Variants in CHL1 observed in about 807,000 individuals in gnomAD.
CHL1 encodes neural cell adhesion molecule L1-like protein.
CHL1 carries 96 observed loss-of-function variants against 141.9 expected under a neutral mutation model. That is an observed-to-expected ratio of 0.68 (90% CI 0.57 to 0.80). CHL1 has a LOEUF of 0.80. Ranked by LOEUF, CHL1 falls within the 30% of genes least tolerant of loss-of-function variation. The pLI is 0.00. For missense variants in CHL1, 1,820 were observed against 1,457.2 expected, an observed-to-expected ratio of 1.25 and a Z score of -4.05; for synonymous variants, 613 against 502.2, an observed-to-expected ratio of 1.22 and a Z score of -2.95.
intron 4 of CHL1, among the ~76,000 whole-genome samples, chr3:327,674 A>G (rs1014266499): frequency 6.6e-6 from 1 of 151,948 alleles, no homozygotes; most frequent in Non-Finnish European, 1.5e-5. Flanking sequence ...CTTTAGTATC[A>G]TTATAATAAT....
chr3:399,004 C>T lies in CHL1; in HGVS notation c.3254-13C>T, dbSNP rs989407116. The T allele has an allele frequency of 7.4e-6, 12 of 1,611,814 alleles. No individual in the cohort carries two copies. The highest frequency in any genetic ancestry group is 1.3e-5 in the African/African-American group (1 of 74,884). ...TCTAGTTTACAATGCTGTGACTTCT[C>T]TTTCTACCACAGAATATGCTGGTTT... On this transcript the variant is annotated splice_polypyrimidine_tract_variant and intron_variant, in intron 25 of 27. Coordinates refer to ENST00000256509, the MANE Select transcript of CHL1 (RefSeq NM_006614.4).
In CHL1 at chr3:354,867, T is replaced by C. The variant is rs1012416692; in HGVS notation, c.1165+96T>C. The C allele has an allele frequency of 2.0e-6, 3 of 1,489,846 alleles. No individual in the cohort carries two copies. In the African/African-American group the frequency reaches 4.2e-5, roughly 21 times the overall value. The allele number at this position is 1,489,846 out of a possible 1,614,324, so 92.3% of individuals were successfully genotyped here. On this transcript the variant is annotated intron_variant, in intron 11 of 27. Transcript: ENST00000256509. The stretch of plus-strand genomic sequence containing the variant: ...TGTGTAAAATGAAGTTGGTATGTGG[T>C]TGGATTAGCAGGACAGATACAACCA...
chr3:231,461 A>T (rs1280373394), intron 1 of CHL1, among the ~76,000 whole-genome samples: 1 of 152,160 alleles, frequency 6.6e-6, no homozygotes, highest in Non-Finnish European at 1.5e-5. Context: ...AAAGTTTGCA[A>T]AGTAAGACTG....
At chr3:366,541 T>C (rs1704916255) in intron 15 of CHL1, among the ~76,000 whole-genome samples, 1 of 152,104 alleles carries the variant, frequency 6.6e-6, no homozygotes, top group Non-Finnish European at 1.5e-5. Context: ...ATTTCTGTCT[T>C]CAAGTCACTT....
intron 1 of CHL1, among the ~76,000 whole-genome samples, chr3:223,839 AATC>A (rs1701084191): frequency 6.6e-6 from 1 of 152,098 alleles, no homozygotes; most frequent in South Asian, 2.1e-4. Context: ...GCAGGGATGA[AATC>A]ATAGGGGTCA....
At chr3:215,649 G>A (rs1700256275) in intron 1 of CHL1, among the ~76,000 whole-genome samples, 1 of 152,116 alleles carries the variant, frequency 6.6e-6, no homozygotes. Context: ...CTCCATAGAT[G>A]TGTGTACTTA....
intron 2 of CHL1, among the ~76,000 whole-genome samples, chr3:305,621 T>C (rs938690533): frequency 1.3e-5 from 2 of 151,578 alleles, no homozygotes; most frequent in Non-Finnish European, 2.9e-5. Context: ...ACTTGCTTTT[T>C]TCACTTAACA....
In CHL1 at chr3:363,205, C is replaced by A; in HGVS notation, c.1419-12C>A. 1 of 1,601,862 alleles carries A rather than the reference C, an allele frequency of 6.2e-7. No homozygotes were observed. Among genetic ancestry groups the A allele is most frequent in the Non-Finnish European group, 8.5e-7 (1 of 1,175,928 alleles). On this transcript the variant is annotated splice_polypyrimidine_tract_variant and intron_variant, in intron 13 of 27. Transcript: ENST00000256509. ...CCTACCTCAGATGGATGTACGCTTT[C>A]TTTGTCCATAGGCAGAAGGTGGAAG...
chr3:260,711 T>G (rs910982774), intron 2 of CHL1, among the ~76,000 whole-genome samples: 7 of 152,200 alleles, frequency 4.6e-5, no homozygotes, highest in Non-Finnish European at 1.0e-4. Context: ...TCTTTGAAGT[T>G]AAAGGTGGAA....
Position 382,218 on chromosome 3 carries a change from G to C in CHL1, c.1916G>C (p.Arg639Thr), listed in dbSNP as rs113705672. Residue 639 changes from arginine to threonine, a missense_variant, in exon 17 of 28, where the codon AGA (arginine) becomes ACA (threonine). Coordinates refer to ENST00000256509, the MANE Select transcript of CHL1 (RefSeq NM_006614.4). ...CCAGAAAACCTTCACTTGTCTGAAA[G>C]ACAGAACAGGAGTGTTCGGCTGACC... Reference protein sequence around the residue: ...DPPENLHLSERQNRSVRLTWE... With the variant: ...DPPENLHLSETQNRSVRLTWE... The C allele has an allele frequency of 8.6e-5, 139 of 1,613,738 alleles. 1 individual carries two copies. The African/African-American group carries it at 1.3e-3, about 15-fold the overall frequency.
intron 10 of CHL1, among the ~76,000 whole-genome samples, chr3:350,405 T>G (rs1304642876): frequency 6.6e-6 from 1 of 152,156 alleles, no homozygotes; most frequent in East Asian, 1.9e-4. Flanking sequence ...GTTGACCGTA[T>G]TGATCAAATT....
intron 7 of CHL1, 140 bp from the exon 8 acceptor site, chr3:342,843 TC>T: frequency 1.7e-6 from 1 of 582,494 alleles, no homozygotes; most frequent in Non-Finnish European, 3.0e-6. Context: ...AAAACTATAT[TC>T]CCAAAGGCAA....
At chr3:309,689 A>G (rs1355262508) in intron 2 of CHL1, among the ~76,000 whole-genome samples, 2 of 152,012 alleles carry the variant, frequency 1.3e-5, no homozygotes, top group East Asian at 3.9e-4. Context: ...AAAAAAAGAA[A>G]ATCTTTGTAG....
chr3:207,072 G>C (rs1699507197), intron 1 of CHL1, among the ~76,000 whole-genome samples: 1 of 152,126 alleles, frequency 6.6e-6, no homozygotes, highest in African/African-American at 2.4e-5. Flanking sequence ...TAAAGATAAG[G>C]CTTTAGAAGA....
chr3:244,404 C>T (rs986069232), intron 1 of CHL1, among the ~76,000 whole-genome samples: 1 of 152,160 alleles, frequency 6.6e-6, no homozygotes, highest in East Asian at 1.9e-4. Flanking sequence ...GCCCTCTCTC[C>T]TCCTTTTGTT....
At chr3:302,395 T>C (rs1698835695) in intron 2 of CHL1, among the ~76,000 whole-genome samples, 1 of 152,212 alleles carries the variant, frequency 6.6e-6, no homozygotes, top group South Asian at 2.1e-4. Context: ...TTCCACAAAC[T>C]CTCCAGCATC....
At chr3:377,043 G>A (rs1357022030) in intron 15 of CHL1, among the ~76,000 whole-genome samples, 4 of 152,082 alleles carry the variant, frequency 2.6e-5, no homozygotes, top group African/African-American at 9.7e-5. Context: ...CACTATTTAA[G>A]TTATTTCAAC....
chr3:203,365 C>T (rs1020335652), intron 1 of CHL1, among the ~76,000 whole-genome samples: 4 of 152,238 alleles, frequency 2.6e-5, no homozygotes, highest in African/African-American at 9.6e-5. Flanking sequence ...GACCTGAATG[C>T]CCAGGTGGCA....
chr3:387,752 A>G (rs1207478815), intron 19 of CHL1, among the ~76,000 whole-genome samples: 1 of 152,090 alleles, frequency 6.6e-6, no homozygotes, highest in Non-Finnish European at 1.5e-5. Context: ...TCCATTTCAC[A>G]CTCTAAAATA....
Sources: allele counts gnomAD v4.1 joint callset (sites outside exome capture counted in the v4.1 genomes callset), GRCh38; gene constraint gnomAD v4.1.1; transcripts MANE v1.5; gene names NCBI Gene and HGNC (gene_info 2026-07-23, HGNC 2026-07-21).